LRP2: variants seen among roughly 807,000 people sequenced by gnomAD.
The protein encoded by LRP2 is low-density lipoprotein receptor-related protein 2.
A neutral mutation model predicts 531.0 loss-of-function variants in LRP2; 172 were observed. That is an observed-to-expected ratio of 0.32 (90% CI 0.29 to 0.37). LRP2 has a LOEUF of 0.37. Ranked by LOEUF, LRP2 falls within the 10% of genes least tolerant of loss-of-function variation. The probability of loss-of-function intolerance (pLI) is 1.00; values close to 1 mark genes in which losing one functional copy is unlikely to be tolerated. For synonymous variants in LRP2, 1,992 were observed against 2,027.6 expected (o/e 0.98, Z 0.47); for missense variants, 5,167 against 5,868.3 (o/e 0.88, Z 3.90).
chr2:169,292,224 T>C (rs771676822), intron 7 of LRP2, 29 bp downstream of exon 7: 2 of 1,484,514 alleles, frequency 1.3e-6, no homozygotes, highest in Non-Finnish European at 1.9e-6. Flanking sequence ...AGAAAATGCT[T>C]TTCAGTAGGA....
In LRP2 at chr2:169,212,203, G is replaced by A. The variant is rs34834388; in HGVS notation, c.6045C>T (p.Ala2015=). 5,474 of 1,613,842 alleles carry A rather than the reference G, an allele frequency of 3.4e-3. 139 individuals carry two copies. The African/African-American group carries it at 0.063, about 19-fold the overall frequency. ...RGLQVYHRRN[A]AESSNGCSNN... is the part of the protein sequence containing the mutation. Reference sequence around the variant, plus strand: ...TGCTACAGCCATTTGAGGATTCGGCGGCATCTAAATGAAAACAAAATCCAT... The same window carrying A: ...TGCTACAGCCATTTGAGGATTCGGCAGCATCTAAATGAAAACAAAATCCAT... Residue 2015 remains alanine, a synonymous_variant, in exon 37 of 79, where the codon GCC becomes GCT. Transcript: ENST00000649046.
chr2:169,169,063 T>G (rs1686894915), intron 60 of LRP2, among the ~76,000 whole-genome samples: 1 of 152,208 alleles, frequency 6.6e-6, no homozygotes, highest in South Asian at 2.1e-4. Context: ...GTATAAACAG[T>G]TTGCATTGAT....
At chr2:169,160,138 T>C (rs1686518138) in intron 63 of LRP2, among the ~76,000 whole-genome samples, 1 of 152,212 alleles carries the variant, frequency 6.6e-6, no homozygotes, top group South Asian at 2.1e-4. Flanking sequence ...AGCAAGTCAA[T>C]CTATCTTTAT....
At position 169,177,841 on chromosome 2, in the gene LRP2, A is replaced by T; in HGVS notation, c.10355T>A (p.Phe3452Tyr). 6.2e-7 allele frequency: 1 copy of T among 1,614,240 alleles called. No individual in the cohort carries two copies. The highest frequency in any genetic ancestry group is 8.5e-7 in the Non-Finnish European group (1 of 1,180,034). The part of the protein sequence containing the change: ...QTLVNTTHRP[F>Y]DIHVYHPYRQ... Reference sequence around the variant, plus strand: ...ATATGGATGGTACACATGGATGTCAAATGGTCTGTGTGTTGTGTTCACCAG... The same window carrying T: ...ATATGGATGGTACACATGGATGTCATATGGTCTGTGTGTTGTGTTCACCAG... Residue 3452 changes from phenylalanine to tyrosine, a missense_variant, in exon 53 of 79, where the codon TTT becomes TAT. Around this residue, in one of 6 missense-constraint regions of LRP2, gnomAD observed 1,129 missense variants for 1,362.7 expected, o/e 0.83. Coordinates refer to ENST00000649046, the MANE Select transcript of LRP2 (RefSeq NM_004525.3).
chr2:169,312,608 C>T (rs1275903479), intron 3 of LRP2, among the ~76,000 whole-genome samples: 10 of 152,080 alleles, frequency 6.6e-5, no homozygotes, highest in Admixed American at 2.0e-4. Flanking sequence ...GTGGGTAACC[C>T]GACCTTTCTC....
intron 4 of LRP2, among the ~76,000 whole-genome samples, chr2:169,299,027 C>G (rs565417835): frequency 1.4e-5 from 2 of 139,846 alleles, no homozygotes; most frequent in Non-Finnish European, 3.1e-5. Context: ...TTATATAAAA[C>G]CAGATTTATT....
chr2:169,144,850 A>G (rs1249832018), intron 70 of LRP2, among the ~76,000 whole-genome samples: 1 of 152,194 alleles, frequency 6.6e-6, no homozygotes, highest in Non-Finnish European at 1.5e-5. Context: ...TAACTTGTCA[A>G]AGGCCACATA....
At chr2:169,258,997 G>A (rs1241038651) in intron 17 of LRP2, 28 bp downstream of exon 17, 1 of 1,605,904 alleles carries the variant, frequency 6.2e-7, no homozygotes, top group African/African-American at 1.3e-5. Flanking sequence ...ACAGTTTCAA[G>A]CTCTTAGGAA....
In LRP2 at chr2:169,176,535, T is replaced by C. The variant is rs1476179226; in HGVS notation, c.10447A>G (p.Lys3483Glu). The C allele has an allele frequency of 6.2e-7, 1 of 1,614,182 alleles. No individual in the cohort carries two copies. The highest frequency in any genetic ancestry group is 8.5e-7 in the Non-Finnish European group (1 of 1,180,034). Reference protein sequence around the residue: ...NGGCSHLCLIKPGGKGFTCEC... With the variant: ...NGGCSHLCLIEPGGKGFTCEC... ...CAAGTGAACCCTTTTCCTCCTGGCT[T>C]GATGAGGCAGAGATGAGAACAGCCA... The change falls in exon 54 of 79, where the codon AAG (lysine) becomes GAG (glutamate). Residue 3483 changes from lysine to glutamate, a missense_variant. Physicochemically the swap from Lys to Glu is moderately conservative, Grantham distance 56. Transcript: ENST00000649046.
intron 9 of LRP2, among the ~76,000 whole-genome samples, chr2:169,287,851 T>TAAATTAAA (rs1683899718): frequency 1.1e-5 from 1 of 90,378 alleles, no homozygotes; most frequent in Non-Finnish European, 2.4e-5. Context: ...ATTTTAATAT[T>TAAATTAAA]TTAATATTAA....
intron 8 of LRP2, among the ~76,000 whole-genome samples, chr2:169,290,587 C>T (rs952802286): frequency 6.6e-6 from 1 of 152,068 alleles, no homozygotes; most frequent in African/African-American, 2.4e-5. Flanking sequence ...GCTCTTTCAG[C>T]CTCTGGGTCA....
chr2:169,255,894 G>A (rs937314526), intron 19 of LRP2, among the ~76,000 whole-genome samples: 4 of 151,990 alleles, frequency 2.6e-5, no homozygotes, highest in South Asian at 2.1e-4. Flanking sequence ...AACATTATAC[G>A]AATATATACA....
intron 19 of LRP2, among the ~76,000 whole-genome samples, chr2:169,254,729 T>C (rs1178934379): frequency 6.6e-6 from 1 of 151,198 alleles, no homozygotes; most frequent in African/African-American, 2.4e-5. Context: ...GGGTATGCAT[T>C]CAAATTTTTT....
intron 4 of LRP2, among the ~76,000 whole-genome samples, chr2:169,297,638 C>T (rs1186602695): frequency 1.3e-5 from 2 of 152,204 alleles, no homozygotes; most frequent in East Asian, 1.9e-4. Context: ...TGGGAGCTGC[C>T]CCAAAATTAT....
chr2:169,133,136 A>G (rs1685353135), intron 76 of LRP2, among the ~76,000 whole-genome samples: 2 of 152,246 alleles, frequency 1.3e-5, no homozygotes, highest in Admixed American at 6.5e-5. Context: ...ATATTAATAA[A>G]TCCTATCTTC....
chr2:169,224,861 G>C (rs1574151869), intron 33 of LRP2, among the ~76,000 whole-genome samples: 1 of 152,196 alleles, frequency 6.6e-6, no homozygotes, highest in South Asian at 2.1e-4. Context: ...AGGTCAAGGC[G>C]GGTGGATCAC....
At chr2:169,195,788 G>A (rs1407359924) in intron 46 of LRP2, among the ~76,000 whole-genome samples, 7 of 152,230 alleles carry the variant, frequency 4.6e-5, no homozygotes, top group Admixed American at 4.6e-4. Flanking sequence ...AACTTTCAGT[G>A]TTGGGGAAAA....
intron 49 of LRP2, among the ~76,000 whole-genome samples, chr2:169,186,295 A>G (rs1385215946): frequency 6.6e-6 from 1 of 152,218 alleles, no homozygotes; most frequent in Non-Finnish European, 1.5e-5. Context: ...CTGGTCAAAC[A>G]GGACTCAGGA....
chr2:169,279,480 G>A lies in LRP2; in HGVS notation c.1457C>T (p.Thr486Ile). 1 of 1,613,738 alleles carries A rather than the reference G, an allele frequency of 6.2e-7. No individual in the cohort carries two copies. Among genetic ancestry groups the A allele is most frequent in the Admixed American group, 1.7e-5 (1 of 60,018 alleles). ...TACCATATCTATGCGGTTGACCTTG[G>A]TTTCCACTAGATAGATTTTATTATT... ...WVNNKIYLVE[T>I]KVNRIDMVNL... is the part of the protein sequence containing the mutation. Residue 486 changes from threonine (T) to isoleucine (I), a missense_variant, in exon 12 of 79, where the codon ACC becomes ATC. By Grantham distance (89) the Thr-to-Ile change is moderately conservative (BLOSUM62 -1). Transcript: ENST00000649046.
Sources: gnomAD v4.1 joint callset for allele counts (sites outside exome capture counted in the v4.1 genomes callset) on GRCh38, gnomAD v4.1.1 for gene constraint, gnomAD v4.1.1 regional missense constraint, MANE v1.5 for transcripts, NCBI Gene and HGNC (gene_info 2026-07-23, HGNC 2026-07-21) for gene names.